Variants in CRIM1 observed in about 807,000 individuals in gnomAD.
CRIM1 encodes cysteine-rich motor neuron 1 protein.
CRIM1 carries 32 observed loss-of-function variants against 116.4 expected under a neutral mutation model. The ratio of observed to expected loss-of-function variants is 0.27; its 90% CI spans 0.21 to 0.37. The LOEUF (loss-of-function observed/expected upper bound fraction) is 0.37. CRIM1 is among the 10% of genes least tolerant of loss of function. The pLI is 1.00. For synonymous variants in CRIM1, 590 were observed against 509.2 expected, an observed-to-expected ratio of 1.16 and a Z score of -2.13; for missense variants, 1,331 against 1,354.8, an observed-to-expected ratio of 0.98 and a Z score of 0.28.
At chr2:36,373,383 A>T (rs1670072146) in intron 1 of CRIM1, among the ~76,000 whole-genome samples, 1 of 152,196 alleles carries the variant, frequency 6.6e-6, no homozygotes, top group African/African-American at 2.4e-5. Context: ...AGTGGGTGTG[A>T]AGTGCAACCA....
At chr2:36,366,639 C>T (rs1453258944) in intron 1 of CRIM1, among the ~76,000 whole-genome samples, 1 of 152,148 alleles carries the variant, frequency 6.6e-6, no homozygotes, top group East Asian at 1.9e-4. Flanking sequence ...AAACAAACAT[C>T]TCAGATTCAA....
At chr2:36,527,203 G>A (rs1373592906) in intron 13 of CRIM1, among the ~76,000 whole-genome samples, 1 of 151,334 alleles carries the variant, frequency 6.6e-6, no homozygotes, top group East Asian at 1.9e-4. Context: ...GTATATATGT[G>A]GCTCATAACT....
At chr2:36,514,992 T>A (rs1267682228) in intron 11 of CRIM1, among the ~76,000 whole-genome samples, 1 of 152,220 alleles carries the variant, frequency 6.6e-6, no homozygotes, top group Non-Finnish European at 1.5e-5. Context: ...CAGAACTCTT[T>A]CCTTTTTTCC....
rs1216157751 is a variant in CRIM1, at chr2:36,537,326, C to T, written c.2429-26C>T. On this transcript the variant is annotated intron_variant, in intron 13 of 16. Transcript: ENST00000280527. ...CGTGTGCGTTGTCACATCAGCGACT[C>T]CATCATGTGCTGTTCTTTTCACTAG... is the stretch of plus-strand genomic sequence containing the variant. 4 of 1,608,976 alleles carry T rather than the reference C, an allele frequency of 2.5e-6. No homozygotes were observed. In the South Asian group the frequency reaches 3.3e-5, roughly 13 times the overall value.
In CRIM1 at chr2:36,522,154, G is replaced by A. The variant is rs1368118516; in HGVS notation, c.2269G>A (p.Glu757Lys). Residue 757 changes from glutamate (E) to lysine (K), a missense_variant, in exon 13 of 17, where the codon GAA (glutamate) becomes AAA (lysine). Transcript: ENST00000280527. The part of the protein sequence containing the change: ...NSVPNYCKND[E>K]GDIFLAAESW... ...CGTACCTAATTACTGCAAAAATGAT[G>A]AAGGGGATATATTCCTGGCAGCTGA... 6.2e-7 allele frequency: 1 copy of A among 1,614,182 alleles called. No individual in the cohort carries two copies.
intron 13 of CRIM1, among the ~76,000 whole-genome samples, chr2:36,536,340 A>G (rs1308773096): frequency 7.3e-6 from 1 of 136,248 alleles, no homozygotes; most frequent in Non-Finnish European, 1.6e-5. Flanking sequence ...CTGCCTTCCT[A>G]AGGAACTTTC....
At chr2:36,491,593 C>T (rs559710420) in intron 7 of CRIM1, among the ~76,000 whole-genome samples, 1 of 152,238 alleles carries the variant, frequency 6.6e-6, no homozygotes, top group South Asian at 2.1e-4. Flanking sequence ...AGATGTCTTT[C>T]GTTTTCCCGT....
intron 1 of CRIM1, among the ~76,000 whole-genome samples, chr2:36,360,013 C>G (rs1296217540): frequency 6.6e-6 from 1 of 152,102 alleles, no homozygotes; most frequent in Non-Finnish European, 1.5e-5. Flanking sequence ...AGAAAGAAAT[C>G]TGGATGGAAG....
chr2:36,366,840 T>A (rs1452826084), intron 1 of CRIM1, among the ~76,000 whole-genome samples: 1 of 152,208 alleles, frequency 6.6e-6, no homozygotes, highest in Non-Finnish European at 1.5e-5. Flanking sequence ...CCTGCCAAAA[T>A]AAGGCAAAGC....
At chr2:36,389,806 G>A (rs1165076536) in intron 1 of CRIM1, among the ~76,000 whole-genome samples, 1 of 152,122 alleles carries the variant, frequency 6.6e-6, no homozygotes, top group Non-Finnish European at 1.5e-5. Flanking sequence ...ACACCAGCAA[G>A]CAGATGGAAA....
chr2:36,483,600 T>C (rs1679588838), intron 7 of CRIM1, among the ~76,000 whole-genome samples: 2 of 152,230 alleles, frequency 1.3e-5, no homozygotes, highest in African/African-American at 4.8e-5. Context: ...GAATGGACAG[T>C]GCCTCTGCGC....
At chr2:36,518,692 T>A (rs1665182246) in intron 12 of CRIM1, among the ~76,000 whole-genome samples, 1 of 152,212 alleles carries the variant, frequency 6.6e-6, no homozygotes, top group African/African-American at 2.4e-5. Context: ...ATGTGTTACA[T>A]TTTTAGGATA....
rs994650577 is a variant in CRIM1, at chr2:36,549,444, T to TA, written c.*745dup. 3 of 152,168 alleles carry TA rather than the reference T, an allele frequency of 2.0e-5. No homozygotes were observed. Among genetic ancestry groups the TA allele is most frequent in the African/African-American group, 7.3e-5 (3 of 41,218 alleles). The allele number at this position is 152,168 out of a possible 1,614,324, so 9.4% of individuals were successfully genotyped here. On this transcript the variant is annotated 3_prime_UTR_variant, in exon 17 of 17. Coordinates refer to ENST00000280527, the MANE Select transcript of CRIM1 (RefSeq NM_016441.3). ...GCAGAGTCAGCACATGAACAAGATC[T>TA]AAGTCATTTCTTGATGTGAGCACTG...
intron 1 of CRIM1, among the ~76,000 whole-genome samples, chr2:36,365,741 T>TTTG (rs917509774): frequency 6.6e-6 from 1 of 151,322 alleles, no homozygotes; most frequent in African/African-American, 2.4e-5. Context: ...TTTGTGTTTT[T>TTTG]TTTTTTTTTT....
At chr2:36,396,269 A>G (rs1672022546) in intron 1 of CRIM1, among the ~76,000 whole-genome samples, 1 of 152,190 alleles carries the variant, frequency 6.6e-6, no homozygotes, top group African/African-American at 2.4e-5. Flanking sequence ...TTGTAATTTT[A>G]TTGAACATGA....
intron 1 of CRIM1, chr2:36,369,203 C>A (rs2270329): frequency 3.3e-5 from 5 of 152,204 alleles, no homozygotes; most frequent in African/African-American, 1.2e-4. Context: ...ACAAAGCAGC[C>A]CATGAGTGCA....
At chr2:36,538,156 CTT>C (rs1470653561) in intron 14 of CRIM1, among the ~76,000 whole-genome samples, 2 of 152,172 alleles carry the variant, frequency 1.3e-5, no homozygotes, top group African/African-American at 4.8e-5. Flanking sequence ...ACGCCCCACT[CTT>C]TGTGTCTGCT....
chr2:36,535,033 GCTCAGT>G (rs1166255470), intron 13 of CRIM1, among the ~76,000 whole-genome samples: 1 of 150,280 alleles, frequency 6.7e-6, no homozygotes, highest in Non-Finnish European at 1.5e-5. Flanking sequence ...CAGTGTCCAG[GCTCAGT>G]CTAAGTTCTT....
chr2:36,479,687 G>T lies in CRIM1; in HGVS notation c.1365G>T (p.Val455=), dbSNP rs77413996. The T allele has an allele frequency of 2.8e-5, 46 of 1,614,104 alleles. No homozygotes were observed. The East Asian group carries it at 1.0e-3, about 36-fold the overall frequency. Residue 455 remains valine, a synonymous_variant, in exon 7 of 17, where the codon GTG becomes GTT. Transcript: ENST00000280527. ...AAGTGCCTGGGGAGTGTTGCCCTGT[G>T]TGCGAAGGTAAATCTTGCAGATGCT... The part of the protein sequence containing the change: ...PVKVPGECCP[V]CEEPTIITVD...
Sources: gnomAD v4.1 joint callset for allele counts (sites outside exome capture counted in the v4.1 genomes callset) on GRCh38, gnomAD v4.1.1 for gene constraint, MANE v1.5 for transcripts, NCBI Gene and HGNC (gene_info 2026-07-23, HGNC 2026-07-21) for gene names.